Variants in TG observed in about 807,000 individuals in gnomAD.
TG encodes thyroid hormones.
Under a neutral mutation model 324.7 loss-of-function variants are expected in TG, and 270 were observed. The ratio of observed to expected loss-of-function variants is 0.83; its 90% confidence interval spans 0.75 to 0.92. The LOEUF (loss-of-function observed/expected upper bound fraction) is 0.92. TG is among the 40% of genes least tolerant of loss of function. The pLI, the probability that TG is intolerant of heterozygous loss-of-function variation, is 0.00. For missense variants in TG, 3,591 were observed against 3,456.4 expected (o/e 1.04, Z -0.98); for synonymous variants, 1,401 against 1,327.0 (o/e 1.06, Z -1.21).
chr8:133,019,488 A>G (rs765253528), intron 38 of TG, 114 bp from the exon 39 acceptor site: 48 of 831,164 alleles, frequency 5.8e-5, no homozygotes, highest in Non-Finnish European at 8.9e-5. Flanking sequence ...TAATTTCTGC[A>G]GAGCTGGTGG....
chr8:132,954,587 G>A (rs996137692), intron 27 of TG, among the ~76,000 whole-genome samples: 11 of 152,210 alleles, frequency 7.2e-5, no homozygotes, highest in Admixed American at 3.9e-4. Flanking sequence ...GGACTTGGCT[G>A]ACAATTGCAG....
intron 21 of TG, 89 bp from the exon 22 acceptor site, chr8:132,923,249 C>T: frequency 7.1e-7 from 1 of 1,417,486 alleles, no homozygotes; most frequent in Non-Finnish European, 9.9e-7. Flanking sequence ...GTGACTTGGA[C>T]ACCTTGTCAA....
At chr8:133,042,803 C>A (rs1838556808) in intron 41 of TG, among the ~76,000 whole-genome samples, 1 of 149,026 alleles carries the variant, frequency 6.7e-6, no homozygotes, top group African/African-American at 2.5e-5. Flanking sequence ...AAGTGATTCC[C>A]CTGCCTCAGC....
chr8:132,883,596 C>T (rs1814970743), intron 8 of TG, among the ~76,000 whole-genome samples: 1 of 152,108 alleles, frequency 6.6e-6, no homozygotes, highest in Non-Finnish European at 1.5e-5. Flanking sequence ...AGGGGTAAGA[C>T]AATGAGGTCT....
Position 133,133,559 on chromosome 8 carries a change from A to C in TG, c.8087A>C (p.Asn2696Thr). ...TTTGTACCCCGTGCTGGTGGAGAGA[A>C]CTACAAGGAGTTCAGTGAGCTGCTC... is the stretch of plus-strand genomic sequence containing the variant. ...PDFVPRAGGENYKEFSELLPN... is the reference protein window; with the variant it reads ...PDFVPRAGGETYKEFSELLPN... Residue 2696 changes from asparagine (N) to threonine (T), a missense_variant, in exon 47 of 48, where the codon AAC (asparagine) becomes ACC (threonine). Asn to Thr is a moderately conservative substitution (Grantham distance 65). Coordinates refer to ENST00000220616, the MANE Select transcript of TG (RefSeq NM_003235.5). The C allele has an allele frequency of 6.2e-7, 1 of 1,614,222 alleles. No individual in the cohort carries two copies. The highest frequency in any genetic ancestry group is 8.5e-7 in the Non-Finnish European group (1 of 1,180,024).
At chr8:132,894,569 C>T (rs1211019522) in intron 11 of TG, among the ~76,000 whole-genome samples, 2 of 152,094 alleles carry the variant, frequency 1.3e-5, no homozygotes, top group African/African-American at 4.8e-5. Flanking sequence ...AGCAATCCTC[C>T]CACCTCAGCC....
chr8:133,012,820 C>G (rs1834638976), intron 36 of TG, among the ~76,000 whole-genome samples: 1 of 152,218 alleles, frequency 6.6e-6, no homozygotes, highest in African/African-American at 2.4e-5. Flanking sequence ...ATAAATAGGG[C>G]TCTTAGGCTG....
At chr8:133,069,672 A>T (rs117094574) in intron 41 of TG, among the ~76,000 whole-genome samples, 385 of 152,236 alleles carry the variant, frequency 2.5e-3, no homozygotes, top group Non-Finnish European at 4.2e-3. Context: ...GGCTCAGTAG[A>T]TGCTCCATAG....
In TG at chr8:133,106,140, G is replaced by T. The variant is rs1368393343; in HGVS notation, c.7573-7282G>T. Among the ~76,000 whole-genome samples, 3 of 152,282 alleles carry T rather than the reference G, an allele frequency of 2.0e-5. No homozygotes were observed. In the East Asian group the frequency reaches 5.8e-4, roughly 29 times the overall value. On this transcript the variant is annotated intron_variant, in intron 43 of 47. Transcript: ENST00000220616. ...TCTGAAAGAGCCAGTGGGGGGGTTT[G>T]CCCAGCGAGGGGCTCCAGGGCTGTG... is the stretch of plus-strand genomic sequence containing the variant.
chr8:132,958,447 C>T (rs562647392), intron 27 of TG, among the ~76,000 whole-genome samples: 7 of 152,170 alleles, frequency 4.6e-5, no homozygotes, highest in African/African-American at 1.2e-4. Flanking sequence ...AGGCTGGGCA[C>T]GGTGGCTCAC....
chr8:133,068,932 G>A (rs1326576389), intron 41 of TG, among the ~76,000 whole-genome samples: 2 of 152,256 alleles, frequency 1.3e-5, no homozygotes, highest in Non-Finnish European at 2.9e-5. Context: ...ATGGGGTTTG[G>A]CCTAGGCCAG....
intron 35 of TG, among the ~76,000 whole-genome samples, chr8:133,005,218 T>A (rs1409075587): frequency 6.6e-6 from 1 of 151,818 alleles, no homozygotes; most frequent in East Asian, 1.9e-4. Context: ...GCAGGCACAC[T>A]GCGCAGGAGG....
At chr8:132,890,275 A>G (rs944520465) in intron 10 of TG, among the ~76,000 whole-genome samples, 4 of 152,206 alleles carry the variant, frequency 2.6e-5, no homozygotes, top group Non-Finnish European at 5.9e-5. Context: ...TTAACAGCTG[A>G]AACAGCTAAA....
Position 132,972,699 on chromosome 8 carries a change from A to G in TG, c.6157A>G (p.Ile2053Val). 1.2e-6 allele frequency: 2 copies of G among 1,613,918 alleles called. No homozygotes were observed. The highest frequency in any genetic ancestry group is 1.7e-6 in the Non-Finnish European group (2 of 1,179,990). Residue 2053 changes from isoleucine (I) to valine (V), a missense_variant, in exon 34 of 48, where the codon ATT becomes GTT. Physicochemically the swap from Ile to Val is conservative, Grantham distance 29. Transcript: ENST00000220616. Reference protein sequence around the residue: ...WRILDCGSPDIEVHTYPFGWY... With the variant: ...WRILDCGSPDVEVHTYPFGWY... ...CATTTTGGACTGTGGCTCTCCTGAC[A>G]TTGAAGTCCACACCTATCCCTTCGG... is the stretch of plus-strand genomic sequence containing the variant.
intron 37 of TG, 43 bp downstream of exon 37, chr8:133,013,807 G>T: frequency 1.3e-6 from 2 of 1,591,238 alleles, no homozygotes; most frequent in Non-Finnish European, 8.5e-7. Context: ...TGGGAAACTG[G>T]GTCTGGGGAA....
chr8:132,905,381 G>A (rs147018290), intron 16 of TG, among the ~76,000 whole-genome samples: 104 of 152,234 alleles, frequency 6.8e-4, no homozygotes, highest in African/African-American at 2.3e-3. Flanking sequence ...CTTCGCCAGG[G>A]ACCATTGCCC....
At chr8:133,050,911 C>G in intron 41 of TG, 2 of 1,609,708 alleles carry the variant, frequency 1.2e-6, no homozygotes, top group Non-Finnish European at 8.5e-7. Flanking sequence ...AGTCGCTATC[C>G]AGTCCTGGGG....
intron 14 of TG, 150 bp from the exon 15 acceptor site, chr8:132,900,087 G>A: frequency 4.3e-6 from 3 of 691,438 alleles, no homozygotes; most frequent in South Asian, 3.1e-5. Context: ...CTGGGAACAG[G>A]AGAGCACCTC....
rs778183518 is a variant in TG at position 133,029,849 on chromosome 8, G to A, written c.7065G>A (p.Gly2355=). 40 of 1,614,046 alleles carry A rather than the reference G, an allele frequency of 2.5e-5. 1 individual carries two copies. The South Asian group carries it at 4.2e-4, about 17-fold the overall frequency. The change falls in exon 41 of 48, where the codon GGG becomes GGA. Residue 2355 remains glycine, a synonymous_variant. Coordinates refer to ENST00000220616, the MANE Select transcript of TG (RefSeq NM_003235.5). ...SGSGEVSGNW[G]LLDQVAALTW... ...CCGGAGAGGTGAGTGGCAACTGGGG[G>A]CTGCTGGACCAGGTGGCGGCTCTGA... is the stretch of plus-strand genomic sequence containing the variant.
Sources: gnomAD v4.1 joint callset for allele counts (sites outside exome capture counted in the v4.1 genomes callset) on GRCh38, gnomAD v4.1.1 for gene constraint, MANE v1.5 for transcripts, NCBI Gene and HGNC (gene_info 2026-07-23, HGNC 2026-07-21) for gene names.